The following IL1RAPL1 variants were observed in gnomAD, a reference collection of about 807,000 sequenced individuals.
The protein encoded by IL1RAPL1 is interleukin 1 receptor accessory protein like 1.
In IL1RAPL1, 3 loss-of-function variants were observed where a neutral mutation model predicts 48.4. The observed-to-expected ratio is 0.06, with a 90% CI of 0.03 to 0.16. The LOEUF is 0.16. Ranked by LOEUF, IL1RAPL1 falls within the 10% of genes least tolerant of loss-of-function variation. The pLI, the probability that IL1RAPL1 is intolerant of heterozygous loss-of-function variation, is 1.00. For synonymous variants in IL1RAPL1, 185 were observed against 187.7 expected (o/e 0.99, Z 0.12); for missense variants, 349 against 530.6 (o/e 0.66, Z 3.36).
intron 2 of IL1RAPL1, among the ~76,000 whole-genome samples, chrX:28,832,876 G>A (rs1045741159): frequency 1.0e-5 from 1 of 99,344 alleles, no homozygotes; most frequent in Non-Finnish European, 2.0e-5. Context: ...TTGTTGCCTG[G>A]CTATATTGTG....
chrX:29,227,699 T>C (rs6653812), intron 2 of IL1RAPL1, among the ~76,000 whole-genome samples: 15,904 of 111,562 alleles, frequency 0.14, 1,106 homozygotes, highest in East Asian at 0.4. Context: ...AAAAAATAAA[T>C]TATGGTGCAG....
intron 2 of IL1RAPL1, among the ~76,000 whole-genome samples, chrX:29,206,144 C>G (rs1301964506): frequency 2.7e-5 from 3 of 111,719 alleles, no homozygotes; most frequent in Non-Finnish European, 5.6e-5. Flanking sequence ...TTTGAAAACT[C>G]TTGAAAATAA....
At chrX:29,030,931 C>G (rs1926604488) in intron 2 of IL1RAPL1, among the ~76,000 whole-genome samples, 1 of 111,677 alleles carries the variant, frequency 9.0e-6, no homozygotes, top group African/African-American at 3.2e-5. Context: ...ATATTTCCCC[C>G]CCATTTCTTC....
intron 6 of IL1RAPL1, among the ~76,000 whole-genome samples, chrX:29,716,445 C>T (rs1239630006): frequency 9.0e-6 from 1 of 111,519 alleles, no homozygotes; most frequent in Admixed American, 9.5e-5. Context: ...TGAGTTTGCT[C>T]TTAAGCACTA....
At chrX:29,093,553 T>C (rs1928137617) in intron 2 of IL1RAPL1, among the ~76,000 whole-genome samples, 1 of 111,496 alleles carries the variant, frequency 9.0e-6, no homozygotes, top group Non-Finnish European at 1.9e-5. Flanking sequence ...AAAGCATGAA[T>C]GATAGAAAGA....
At chrX:29,121,687 G>T (rs1031074844) in intron 2 of IL1RAPL1, among the ~76,000 whole-genome samples, 1 of 111,822 alleles carries the variant, frequency 8.9e-6, no homozygotes, top group Non-Finnish European at 1.9e-5. Context: ...GGACTCATGT[G>T]ATTCAGTTGA....
chrX:29,952,986 TCA>T (rs1481654694), intron 9 of IL1RAPL1, among the ~76,000 whole-genome samples: 1 of 111,902 alleles, frequency 8.9e-6, no homozygotes, highest in Non-Finnish European at 1.9e-5. Flanking sequence ...CTCAAAATTA[TCA>T]GACTACTAGA....
intron 5 of IL1RAPL1, among the ~76,000 whole-genome samples, chrX:29,402,114 A>T (rs773725015): frequency 3.2e-4 from 36 of 110,985 alleles, no homozygotes; most frequent in Non-Finnish European, 5.9e-4. Flanking sequence ...GGCTGGTGTC[A>T]AACTCCTGAA....
chrX:28,988,910 A>G (rs1925538195), intron 2 of IL1RAPL1, among the ~76,000 whole-genome samples: 1 of 111,699 alleles, frequency 9.0e-6, no homozygotes, highest in Non-Finnish European at 1.9e-5. Flanking sequence ...TAATTCCACA[A>G]TGTAACTAAA....
chrX:29,083,110 T>C (rs763728804), intron 2 of IL1RAPL1, among the ~76,000 whole-genome samples: 2 of 112,070 alleles, frequency 1.8e-5, no homozygotes, highest in East Asian at 5.6e-4. Context: ...TTGTATTTAC[T>C]TTCATGGAAA....
intron 2 of IL1RAPL1, among the ~76,000 whole-genome samples, chrX:29,212,330 A>G (rs1168058131): frequency 4.5e-5 from 5 of 110,562 alleles, no homozygotes; most frequent in African/African-American, 1.6e-4. Context: ...TTTTTTCAAA[A>G]TGGAGTCTCA....
At chrX:28,748,298 G>A (rs750589512) in intron 1 of IL1RAPL1, among the ~76,000 whole-genome samples, 6 of 111,809 alleles carry the variant, frequency 5.4e-5, no homozygotes, top group Non-Finnish European at 9.4e-5. Flanking sequence ...GGAAGAATGA[G>A]AAAATTTAAA....
intron 5 of IL1RAPL1, among the ~76,000 whole-genome samples, chrX:29,482,863 A>G (rs1360179739): frequency 7.1e-5 from 8 of 111,984 alleles, no homozygotes. Flanking sequence ...ATTTTATTCC[A>G]TCGATTCTGA....
At chrX:29,422,925 G>A (rs1934308245) in intron 5 of IL1RAPL1, among the ~76,000 whole-genome samples, 1 of 111,612 alleles carries the variant, frequency 9.0e-6, no homozygotes, top group Admixed American at 9.5e-5. Context: ...TTGATGAAAT[G>A]GATGGTTGGA....
intron 6 of IL1RAPL1, among the ~76,000 whole-genome samples, chrX:29,708,499 TACTTC>T (rs1433530168): frequency 1.8e-5 from 2 of 112,247 alleles, no homozygotes; most frequent in Non-Finnish European, 3.8e-5. Context: ...GTGAATGGCT[TACTTC>T]ACTTAGCATA....
chrX:29,846,778 G>A (rs865901870), intron 6 of IL1RAPL1, among the ~76,000 whole-genome samples: 14 of 74,040 alleles, frequency 1.9e-4, no homozygotes, highest in African/African-American at 5.8e-4. Context: ...ACATATATAT[G>A]TATATATGTA....
intron 6 of IL1RAPL1, among the ~76,000 whole-genome samples, chrX:29,743,265 A>G (rs1438791642): frequency 9.3e-6 from 1 of 107,327 alleles, no homozygotes; most frequent in African/African-American, 3.3e-5. Context: ...ATAAATTTCT[A>G]TATTATATAT....
intron 2 of IL1RAPL1, among the ~76,000 whole-genome samples, chrX:28,876,295 T>C (rs1444495558): frequency 8.9e-6 from 1 of 111,800 alleles, no homozygotes; most frequent in Admixed American, 9.5e-5. Flanking sequence ...AATCTTGCAA[T>C]TTAATTAAAT....
chrX:29,559,336 A>G (rs1212637875), intron 5 of IL1RAPL1, among the ~76,000 whole-genome samples: 4 of 111,833 alleles, frequency 3.6e-5, no homozygotes, highest in African/African-American at 1.3e-4. Flanking sequence ...GGCCTTGTGA[A>G]ATGATTTTGT....
Sources: allele counts gnomAD v4.1 joint callset (sites outside exome capture counted in the v4.1 genomes callset), GRCh38; gene constraint gnomAD v4.1.1; transcripts MANE v1.5; gene names NCBI Gene and HGNC (gene_info 2026-07-23, HGNC 2026-07-21).